The following VIPR2 variants were observed in gnomAD, a reference collection of about 807,000 sequenced individuals.
The protein encoded by VIPR2 is vasoactive intestinal polypeptide receptor 2.
In VIPR2, 48 loss-of-function variants were observed where a neutral mutation model predicts 58.0. That is an observed-to-expected ratio of 0.83 (90% CI 0.66 to 1.05). The LOEUF (loss-of-function observed/expected upper bound fraction) is 1.05. Ranked by LOEUF, VIPR2 falls within the 50% of genes least tolerant of loss-of-function variation. VIPR2 has a pLI of 0.00. For synonymous variants in VIPR2, 243 were observed against 235.2 expected (o/e 1.03, Z -0.30); for missense variants, 534 against 558.0 (o/e 0.96, Z 0.43).
chr7:159,059,813 C>T (rs1855531743), intron 4 of VIPR2, among the ~76,000 whole-genome samples: 1 of 149,474 alleles, frequency 6.7e-6, no homozygotes, highest in Admixed American at 6.7e-5. Flanking sequence ...CATCACATCA[C>T]TTCACCCAAC....
Position 159,097,216 on chromosome 7 carries a change from G to T in VIPR2, c.357+6541C>A. ...GGGGAGTGAAGTTTGCCATCAGTGG[G>T]AACGAGTCACTGCGGTGGCCTGAGT... On this transcript the variant is annotated intron_variant, in intron 4 of 12. Transcript: ENST00000262178. The surrounding 1 kb of genome is among the most constrained non-coding windows in gnomAD (Gnocchi z 5.3). 1.4e-6 allele frequency: 2 copies of T among 1,424,814 alleles called. No homozygotes were observed. Among genetic ancestry groups the T allele is most frequent in the East Asian group, 5.1e-5 (2 of 39,576 alleles). The allele number at this position is 1,424,814 out of a possible 1,614,324, so 88.3% of individuals were successfully genotyped here.
At chr7:159,143,438 C>A (rs1329144566) in intron 1 of VIPR2, among the ~76,000 whole-genome samples, 2 of 151,276 alleles carry the variant, frequency 1.3e-5, no homozygotes, top group African/African-American at 4.9e-5. Flanking sequence ...TACTGTTGGG[C>A]GTACTATGGC....
intron 12 of VIPR2, 74 bp from the exon 13 acceptor site, chr7:159,030,863 G>A: frequency 7.0e-7 from 1 of 1,421,070 alleles, no homozygotes; most frequent in Non-Finnish European, 9.2e-7. Flanking sequence ...AGCGCGGCCC[G>A]CGAGCCTCCA....
At chr7:159,101,840 G>A (rs1458464368) in intron 4 of VIPR2, among the ~76,000 whole-genome samples, 3 of 131,268 alleles carry the variant, frequency 2.3e-5, no homozygotes, top group Non-Finnish European at 3.2e-5. Context: ...GTAGTGAACG[G>A]GTCTCACGAG....
chr7:159,038,456 C>G (rs2129493164), intron 6 of VIPR2, among the ~76,000 whole-genome samples: 1 of 152,302 alleles, frequency 6.6e-6, no homozygotes, highest in Non-Finnish European at 1.5e-5. Flanking sequence ...CTGCCCTGGG[C>G]ATCAGGACAG....
intron 2 of VIPR2, among the ~76,000 whole-genome samples, chr7:159,112,570 G>C (rs141294418): frequency 4.0e-3 from 616 of 152,376 alleles, no homozygotes; most frequent in Middle Eastern, 0.024. Flanking sequence ...AGGCAGAGGA[G>C]GGGGAGAAGC....
At chr7:159,067,441 G>A (rs1376983058) in intron 4 of VIPR2, among the ~76,000 whole-genome samples, 4 of 152,182 alleles carry the variant, frequency 2.6e-5, no homozygotes, top group East Asian at 1.9e-4. Context: ...TTCCACCAAC[G>A]GCCCAGAACC....
In VIPR2 at chr7:159,031,603, T is replaced by A; in HGVS notation, c.1143+225A>T. 1 of 985,314 alleles carries A rather than the reference T, an allele frequency of 1.0e-6. No individual in the cohort carries two copies. Among genetic ancestry groups the A allele is most frequent in the Non-Finnish European group, 1.2e-6 (1 of 829,908 alleles). 61.0% of individuals were successfully genotyped at this position (985,314 alleles called of 1,614,324 possible). A position where few individuals can be genotyped will look rare whatever the true frequency, so the allele number is the denominator to read the frequency against. ...CGAGACGGACGGCAGTCGATGCTAC[T>A]TAGGGTGGACGGAAGGACGGCGGGG... On this transcript the variant is annotated intron_variant, in intron 12 of 12. Coordinates refer to ENST00000262178, the MANE Select transcript of VIPR2 (RefSeq NM_003382.5). The surrounding 1 kb of genome is among the most constrained non-coding windows in gnomAD (Gnocchi z 4.0).
intron 2 of VIPR2, among the ~76,000 whole-genome samples, chr7:159,110,143 G>A (rs1204535794): frequency 6.6e-6 from 1 of 152,182 alleles, no homozygotes; most frequent in Non-Finnish European, 1.5e-5. Flanking sequence ...TGTATACCAT[G>A]TACCTTCTGA....
intron 4 of VIPR2, among the ~76,000 whole-genome samples, chr7:159,090,891 A>G: frequency 8.4e-6 from 1 of 118,806 alleles, no homozygotes; most frequent in South Asian, 3.3e-4. Context: ...GGGATCACGC[A>G]CAGGGGCCAC....
intron 3 of VIPR2, among the ~76,000 whole-genome samples, chr7:159,107,630 G>A (rs555489831): frequency 2.0e-5 from 3 of 151,324 alleles, no homozygotes; most frequent in Non-Finnish European, 4.4e-5. Context: ...GGAGCTGCCC[G>A]CTGCTTCTGG....
chr7:159,131,303 G>A (rs1262253503), intron 2 of VIPR2, among the ~76,000 whole-genome samples: 2 of 150,784 alleles, frequency 1.3e-5, no homozygotes, highest in African/African-American at 5.0e-5. Context: ...TTATGCCAAA[G>A]GAAAAGTTAA....
chr7:159,132,181 C>A (rs367859060), intron 2 of VIPR2, among the ~76,000 whole-genome samples: 1,828 of 100,150 alleles, frequency 0.018, 4 homozygotes, highest in Admixed American at 0.044. Flanking sequence ...CCTCAGTTTA[C>A]CTTTTTGACA....
Position 159,043,180 on chromosome 7 carries a change from AG to A in VIPR2, c.456-5del. ...ATTCCTGGTGCAGTGCAGCTTCCTG[AG>A]GTGGGGGAGTGGGAGAGAGAGGAAT... On this transcript the variant is annotated splice_polypyrimidine_tract_variant and splice_region_variant and intron_variant, in intron 5 of 12. Coordinates refer to ENST00000262178, the MANE Select transcript of VIPR2 (RefSeq NM_003382.5). 1 of 1,413,798 alleles carries A rather than the reference AG, an allele frequency of 7.1e-7. No homozygotes were observed. 87.6% of individuals were successfully genotyped at this position (1,413,798 alleles called of 1,614,324 possible).
chr7:159,065,236 T>C (rs1856013917), intron 4 of VIPR2, among the ~76,000 whole-genome samples: 1 of 152,188 alleles, frequency 6.6e-6, no homozygotes, highest in East Asian at 1.9e-4. Context: ...TTAGAAAGCC[T>C]TGGACAGCGT....
At position 159,096,719 on chromosome 7, in the gene VIPR2, G is replaced by A. The variant is rs1375578880; in HGVS notation, c.357+7038C>T. Reference sequence around the variant, plus strand: ...CAGAAAAGTGCTCATAATCCTGTCTGGTTGTGCCAGGTGACAGCTGAATGA... The same window carrying A: ...CAGAAAAGTGCTCATAATCCTGTCTAGTTGTGCCAGGTGACAGCTGAATGA... On this transcript the variant is annotated intron_variant, in intron 4 of 12. Coordinates refer to ENST00000262178, the MANE Select transcript of VIPR2 (RefSeq NM_003382.5). The surrounding 1 kb of genome is among the most constrained non-coding windows in gnomAD (Gnocchi z 5.5). 5.1e-6 allele frequency: 7 copies of A among 1,364,308 alleles called. No homozygotes were observed. Among genetic ancestry groups the A allele is most frequent in the Admixed American group, 2.9e-5 (1 of 33,932 alleles). The allele number at this position is 1,364,308 out of a possible 1,614,324, so 84.5% of individuals were successfully genotyped here.
chr7:159,086,266 G>C (rs1475832481), intron 4 of VIPR2, among the ~76,000 whole-genome samples: 1 of 152,184 alleles, frequency 6.6e-6, no homozygotes, highest in Non-Finnish European at 1.5e-5. Flanking sequence ...AGTGAGAACT[G>C]TTTTTCCAAC....
intron 4 of VIPR2, among the ~76,000 whole-genome samples, chr7:159,094,581 C>T (rs1300604302): frequency 6.6e-6 from 1 of 152,196 alleles, no homozygotes; most frequent in Non-Finnish European, 1.5e-5. Flanking sequence ...GCTGTTACCC[C>T]AAGTGAGCCT....
chr7:159,139,397 C>T (rs1018697674), intron 2 of VIPR2, among the ~76,000 whole-genome samples: 8 of 152,138 alleles, frequency 5.3e-5, no homozygotes, highest in East Asian at 3.9e-4. Context: ...CGTGCGCACA[C>T]GCAGCTCATG....
Sources: allele counts gnomAD v4.1 joint callset (sites outside exome capture counted in the v4.1 genomes callset), GRCh38; gene constraint gnomAD v4.1.1; non-coding constraint Gnocchi (gnomAD v3.1); transcripts MANE v1.5; gene names NCBI Gene and HGNC (gene_info 2026-07-23, HGNC 2026-07-21).